The following IPCEF1 variants were observed in gnomAD, a reference collection of about 807,000 sequenced individuals.
IPCEF1 encodes interactor protein for cytohesin exchange factors 1.
A neutral mutation model predicts 50.9 loss-of-function variants in IPCEF1; 31 were observed. The ratio of observed to expected loss-of-function variants is 0.61; its 90% CI spans 0.46 to 0.82. The LOEUF is 0.82. Ranked by LOEUF, IPCEF1 falls within the 40% of genes least tolerant of loss-of-function variation. The pLI, the probability that IPCEF1 is intolerant of heterozygous loss-of-function variation, is 0.00. For synonymous variants in IPCEF1, 181 were observed against 192.0 expected (o/e 0.94, Z 0.47); for missense variants, 458 against 514.0 (o/e 0.89, Z 1.05).
intron 10 of IPCEF1, among the ~76,000 whole-genome samples, chr6:154,190,472 C>T (rs763130358): frequency 1.2e-4 from 19 of 152,164 alleles, no homozygotes; most frequent in Admixed American, 3.3e-4. Context: ...TACTACCCAC[C>T]TACTAGCATG....
chr6:154,330,350 TTTA>T (rs1214102423), intron 1 of IPCEF1, among the ~76,000 whole-genome samples: 3 of 117,698 alleles, frequency 2.5e-5, no homozygotes, highest in South Asian at 2.9e-4. Flanking sequence ...TTTTTTTTTT[TTTA>T]AGACAGGATC....
chr6:154,237,422 T>C (rs180974614), intron 5 of IPCEF1, among the ~76,000 whole-genome samples: 16 of 152,344 alleles, frequency 1.1e-4, no homozygotes, highest in Admixed American at 7.2e-4. Context: ...GGACAGATCA[T>C]AGTCACTGAG....
chr6:154,172,938 TGCCCCTCTGGGGCAAA>T (rs1386675935), intron 10 of IPCEF1, among the ~76,000 whole-genome samples: 1 of 152,148 alleles, frequency 6.6e-6, no homozygotes, highest in Non-Finnish European at 1.5e-5. Flanking sequence ...TATCAGTGGG[TGCCCCTCTGGGGCAAA>T]GCTTCCAGAG....
Position 154,314,227 on chromosome 6 carries a change from A to T in IPCEF1, c.-61-24471T>A, listed in dbSNP as rs182784967. ...ACAAAAAACAAGTCTTTGGAGGATT[A>T]TCAGCTCATCTTAGATAAGAAACTG... On this transcript the variant is annotated intron_variant, in intron 1 of 11. Coordinates refer to ENST00000367220, the MANE Select transcript of IPCEF1 (RefSeq NM_001130700.2). Among the ~76,000 whole-genome samples, 4 of 152,346 alleles carry T rather than the reference A, an allele frequency of 2.6e-5. No individual in the cohort carries two copies. In the East Asian group the frequency reaches 7.7e-4, roughly 29 times the overall value.
chr6:154,221,597 G>A (rs1247027453), intron 6 of IPCEF1, among the ~76,000 whole-genome samples: 1 of 152,186 alleles, frequency 6.6e-6, no homozygotes, highest in Non-Finnish European at 1.5e-5. Flanking sequence ...GGTATGGCCG[G>A]GCACGGTGGC....
chr6:154,273,712 C>CTTTTT (rs1781960054), intron 2 of IPCEF1, among the ~76,000 whole-genome samples: 1 of 6,690 alleles, frequency 1.5e-4, no homozygotes, highest in African/African-American at 3.7e-4. Flanking sequence ...TTTTTTCTTT[C>CTTTTT]TTTCTTTCTT....
At chr6:154,308,823 T>G (rs888897568) in intron 1 of IPCEF1, among the ~76,000 whole-genome samples, 1 of 152,236 alleles carries the variant, frequency 6.6e-6, no homozygotes, top group Non-Finnish European at 1.5e-5. Context: ...AAAATGATAA[T>G]ACTTTAGAAT....
chr6:154,330,325 CTTTTTTTTTTTT>C (rs138406253), intron 1 of IPCEF1, among the ~76,000 whole-genome samples: 1,956 of 89,296 alleles, frequency 0.022, 56 homozygotes, highest in African/African-American at 0.077. Flanking sequence ...ATTATAGCCT[CTTTTTTTTTTTT>C]TTTTTTTTTT....
chr6:154,156,589 GTAAATGTAAGGCATGGGTTT>G lies in IPCEF1; in HGVS notation c.*3219_*3238del, dbSNP rs776482140. The G allele has an allele frequency of 1.3e-5, 2 of 152,222 alleles. No homozygotes were observed. Among genetic ancestry groups the G allele is most frequent in the Non-Finnish European group, 2.9e-5 (2 of 68,056 alleles). 9.4% of individuals were successfully genotyped at this position (152,222 alleles called of 1,614,324 possible). A position where few individuals can be genotyped will look rare whatever the true frequency, so the allele number is the denominator to read the frequency against. On this transcript the variant is annotated 3_prime_UTR_variant, in exon 12 of 12. Transcript: ENST00000367220. ...CAATTTGCAAACTACAAAGTGCTGT[GTAAATGTAAGGCATGGGTTT>G]CACATTGAAATCTGACTCCAAACAC...
chr6:154,163,560 C>T (rs1244968683), intron 11 of IPCEF1, among the ~76,000 whole-genome samples: 3 of 152,128 alleles, frequency 2.0e-5, no homozygotes, highest in African/African-American at 2.4e-5. Flanking sequence ...CATAAGCTTC[C>T]GGAAGGCAGG....
chr6:154,290,892 C>CTTTTTT (rs1562581565), intron 1 of IPCEF1, among the ~76,000 whole-genome samples: 1 of 92,172 alleles, frequency 1.1e-5, no homozygotes, highest in African/African-American at 4.7e-5. Flanking sequence ...GAATATATTG[C>CTTTTTT]CTTTTTTTTT....
chr6:154,331,362 GA>G, intron 1 of IPCEF1, among the ~76,000 whole-genome samples: 1 of 112,320 alleles, frequency 8.9e-6, no homozygotes, highest in Non-Finnish European at 1.8e-5. Context: ...GAAAGAGAAA[GA>G]AAGAAAGGAA....
intron 1 of IPCEF1, among the ~76,000 whole-genome samples, chr6:154,304,039 A>T (rs1782866909): frequency 6.6e-6 from 1 of 152,012 alleles, no homozygotes; most frequent in South Asian, 2.1e-4. Flanking sequence ...GCCTGGTGCA[A>T]CATAAGAAGA....
chr6:154,310,834 A>G (rs369687801), intron 1 of IPCEF1, among the ~76,000 whole-genome samples: 1 of 152,122 alleles, frequency 6.6e-6, no homozygotes, highest in African/African-American at 2.4e-5. Flanking sequence ...AAAGGGGATT[A>G]CTAGGGGCTG....
intron 1 of IPCEF1, among the ~76,000 whole-genome samples, chr6:154,330,430 G>A (rs1403292136): frequency 1.4e-5 from 2 of 147,974 alleles, no homozygotes; most frequent in African/African-American, 2.5e-5. Context: ...TCAACCTCCT[G>A]GACTCAAGCA....
Position 154,323,868 on chromosome 6 carries a change from G to A in IPCEF1, c.-62+32804C>T, listed in dbSNP as rs143980393. The stretch of plus-strand genomic sequence containing the variant: ...CTCGGGAGGCTGAGGCAAGAGAATC[G>A]TTTGAATCCAGGAGGCAGAGGTTGC... On this transcript the variant is annotated intron_variant, in intron 1 of 11. Coordinates refer to ENST00000367220, the MANE Select transcript of IPCEF1 (RefSeq NM_001130700.2). Among the ~76,000 whole-genome samples, 471 of 152,292 alleles carry A rather than the reference G, an allele frequency of 3.1e-3. 1 individual carries two copies. The highest frequency in any genetic ancestry group is 4.6e-3 in the Non-Finnish European group (313 of 68,010).
chr6:154,311,257 A>T (rs1459500130), intron 1 of IPCEF1, among the ~76,000 whole-genome samples: 1 of 152,208 alleles, frequency 6.6e-6, no homozygotes, highest in Non-Finnish European at 1.5e-5. Flanking sequence ...GCAGCACAGG[A>T]TCCCATCCTA....
intron 2 of IPCEF1, 141 bp from the exon 3 acceptor site, chr6:154,266,105 G>A (rs777940087): frequency 3.4e-5 from 20 of 592,412 alleles, no homozygotes; most frequent in East Asian, 6.3e-5. Flanking sequence ...ATAGCCTTTC[G>A]GCCAGGCATG....
At chr6:154,265,879 T>G in intron 3 of IPCEF1, 33 bp downstream of exon 3, 1 of 1,508,758 alleles carries the variant, frequency 6.6e-7, no homozygotes, top group South Asian at 1.2e-5. Flanking sequence ...ACTGACAATA[T>G]CTAAAGCCTG....
Sources: gnomAD v4.1 joint callset for allele counts (sites outside exome capture counted in the v4.1 genomes callset) on GRCh38, gnomAD v4.1.1 for gene constraint, MANE v1.5 for transcripts, NCBI Gene and HGNC (gene_info 2026-07-23, HGNC 2026-07-21) for gene names.